RHOJ: variants seen among roughly 807,000 people sequenced by gnomAD.
RHOJ encodes the protein rho-related GTP-binding protein RhoJ.
RHOJ carries 11 observed loss-of-function variants against 23.4 expected under a neutral mutation model. The observed-to-expected ratio is 0.47, with a 90% CI of 0.30 to 0.78. RHOJ has a LOEUF of 0.78. Ranked by LOEUF, RHOJ falls within the 30% of genes least tolerant of loss-of-function variation. The pLI, the probability that RHOJ is intolerant of heterozygous loss-of-function variation, is 0.08. For synonymous variants in RHOJ, 102 were observed against 102.7 expected, an observed-to-expected ratio of 0.99 and a Z score of 0.04; for missense variants, 254 against 273.4, an observed-to-expected ratio of 0.93 and a Z score of 0.50.
In RHOJ at chr14:63,222,446, G is replaced by T. The variant is rs199849319; in HGVS notation, c.178+17399G>T. 4.3e-4 allele frequency among the ~76,000 whole-genome samples: 65 copies of T among 152,268 alleles called. 2 individuals are homozygous for T. In the East Asian group the frequency reaches 0.011, roughly 25 times the overall value. On this transcript the variant is annotated intron_variant, in intron 1 of 4. Transcript: ENST00000316754. The stretch of plus-strand genomic sequence containing the variant: ...ACTAGTTTACAGTCCCACCAACAGT[G>T]TAAAAGTGTTCCTATTTCTCCACAT...
intron 2 of RHOJ, among the ~76,000 whole-genome samples, chr14:63,276,906 G>C (rs1555348805): frequency 6.6e-6 from 1 of 152,152 alleles, no homozygotes; most frequent in Non-Finnish European, 1.5e-5. Flanking sequence ...TTTTGCTTTG[G>C]TTTTTGGCTT....
At chr14:63,239,189 G>A (rs548229769) in intron 1 of RHOJ, among the ~76,000 whole-genome samples, 1 of 152,030 alleles carries the variant, frequency 6.6e-6, no homozygotes, top group East Asian at 1.9e-4. Context: ...TCGACTCACC[G>A]CAACCTCCGC....
rs966673733 is a variant in RHOJ, at chr14:63,208,102, G to C, written c.178+3055G>C. Among the ~76,000 whole-genome samples, 4 of 152,064 alleles carry C rather than the reference G, an allele frequency of 2.6e-5. No individual in the cohort carries two copies. In the South Asian group the frequency reaches 8.3e-4, roughly 32 times the overall value. On this transcript the variant is annotated intron_variant, in intron 1 of 4. Coordinates refer to ENST00000316754, the MANE Select transcript of RHOJ (RefSeq NM_020663.5). ...GATAATTAACAATATGTTTATATGA[G>C]GTAATAGTAATAGGATATTAAATTG... is the stretch of plus-strand genomic sequence containing the variant.
rs139384602 is a variant in RHOJ, at chr14:63,288,721, CA to C, written c.499-2156del. ...CATAAAATAGATTTTCAACATCCAA[CA>C]TCGTTTTCTTTTGGTATTTTCCCTT... is the stretch of plus-strand genomic sequence containing the variant. On this transcript the variant is annotated intron_variant, in intron 4 of 4. Coordinates refer to ENST00000316754, the MANE Select transcript of RHOJ (RefSeq NM_020663.5). Among the ~76,000 whole-genome samples the C allele has an allele frequency of 9.9e-3, 1,512 of 152,292 alleles. 27 individuals are homozygous for C. Among genetic ancestry groups the C allele is most frequent in the East Asian group, 0.096 (497 of 5,182 alleles).
At chr14:63,210,150 C>T (rs1001170476) in intron 1 of RHOJ, among the ~76,000 whole-genome samples, 9 of 151,508 alleles carry the variant, frequency 5.9e-5, no homozygotes, top group African/African-American at 1.5e-4. Context: ...TTAGTAAAGA[C>T]GGGGTTTCAC....
intron 2 of RHOJ, among the ~76,000 whole-genome samples, chr14:63,279,196 C>T (rs536228897): frequency 6.6e-6 from 1 of 152,136 alleles, no homozygotes; most frequent in African/African-American, 2.4e-5. Flanking sequence ...AGTAGTCATG[C>T]CCCTAATAAA....
chr14:63,222,395 G>A (rs1040160865), intron 1 of RHOJ, among the ~76,000 whole-genome samples: 12 of 152,234 alleles, frequency 7.9e-5, no homozygotes, highest in East Asian at 5.8e-4. Context: ...CTGAGGAATC[G>A]CCACACTGTC....
intron 4 of RHOJ, among the ~76,000 whole-genome samples, chr14:63,286,223 A>G (rs1566631859): frequency 1.3e-5 from 2 of 152,064 alleles, no homozygotes; most frequent in Non-Finnish European, 2.9e-5. Context: ...AAGTCACTTC[A>G]CCACTGGTGT....
At chr14:63,286,685 C>T (rs1000829114) in intron 4 of RHOJ, among the ~76,000 whole-genome samples, 5 of 152,200 alleles carry the variant, frequency 3.3e-5, no homozygotes, top group African/African-American at 1.2e-4. Context: ...ATTTCCTCAT[C>T]AACAGAAACT....
intron 1 of RHOJ, among the ~76,000 whole-genome samples, chr14:63,255,980 T>C (rs1895157630): frequency 6.6e-6 from 1 of 152,164 alleles, no homozygotes; most frequent in South Asian, 2.1e-4. Flanking sequence ...GCAATACTCC[T>C]GCCTTAGCCT....
chr14:63,248,897 T>C (rs1248982227), intron 1 of RHOJ, among the ~76,000 whole-genome samples: 3 of 152,174 alleles, frequency 2.0e-5, no homozygotes, highest in Non-Finnish European at 2.9e-5. Flanking sequence ...TATGCACTAC[T>C]AGTCAGAAAG....
chr14:63,216,608 C>A (rs1011141688), intron 1 of RHOJ, among the ~76,000 whole-genome samples: 1 of 152,174 alleles, frequency 6.6e-6, no homozygotes, highest in African/African-American at 2.4e-5. Flanking sequence ...TTAGCTTGCA[C>A]TGGAAGCACT....
intron 1 of RHOJ, among the ~76,000 whole-genome samples, chr14:63,238,109 A>C (rs1475479525): frequency 6.6e-6 from 1 of 152,242 alleles, no homozygotes; most frequent in Non-Finnish European, 1.5e-5. Context: ...TACGGAAAAA[A>C]ATCTTTCTTG....
At chr14:63,290,854 G>A in intron 4 of RHOJ, 24 bp from the exon 5 acceptor site, 1 of 1,589,614 alleles carries the variant, frequency 6.3e-7, no homozygotes, top group Non-Finnish European at 8.6e-7. Flanking sequence ...TATCTCTCAT[G>A]CCTTTCTCTC....
At chr14:63,272,154 G>A (rs1337345425) in intron 2 of RHOJ, among the ~76,000 whole-genome samples, 3 of 152,218 alleles carry the variant, frequency 2.0e-5, no homozygotes, top group African/African-American at 7.2e-5. Flanking sequence ...CTGAAAGTTA[G>A]GAGGATGCAA....
intron 1 of RHOJ, among the ~76,000 whole-genome samples, chr14:63,249,225 T>C (rs2139638439): frequency 6.6e-6 from 1 of 152,234 alleles, no homozygotes; most frequent in East Asian, 1.9e-4. Flanking sequence ...TTCTAAAGAG[T>C]TGGCAGAATA....
intron 1 of RHOJ, among the ~76,000 whole-genome samples, chr14:63,235,153 A>G (rs1894766333): frequency 6.6e-6 from 1 of 152,024 alleles, no homozygotes. Context: ...AGGCATATCA[A>G]AACTATTACT....
At chr14:63,286,930 C>T (rs1232001529) in intron 4 of RHOJ, among the ~76,000 whole-genome samples, 4 of 152,194 alleles carry the variant, frequency 2.6e-5, no homozygotes, top group Non-Finnish European at 5.9e-5. Flanking sequence ...CTCTTACAAC[C>T]TGTTTGGTTC....
At chr14:63,245,915 A>T (rs1467651639) in intron 1 of RHOJ, among the ~76,000 whole-genome samples, 1 of 152,224 alleles carries the variant, frequency 6.6e-6, no homozygotes, top group Non-Finnish European at 1.5e-5. Context: ...CTGAATTCTA[A>T]TCCTGGCTCT....
Sources: allele counts gnomAD v4.1 joint callset (sites outside exome capture counted in the v4.1 genomes callset), GRCh38; gene constraint gnomAD v4.1.1; transcripts MANE v1.5; gene names NCBI Gene and HGNC (gene_info 2026-07-23, HGNC 2026-07-21).